DHDH: variants seen among roughly 807,000 people sequenced by gnomAD.
The protein encoded by DHDH is trans-1,2-dihydrobenzene-1,2-diol dehydrogenase.
DHDH carries 29 observed loss-of-function variants against 33.2 expected under a neutral mutation model. That is an observed-to-expected ratio of 0.87 (90% CI 0.65 to 1.19). The LOEUF (loss-of-function observed/expected upper bound fraction) is 1.19. Ranked by LOEUF, DHDH falls within the 50% of genes most tolerant of loss-of-function variation. DHDH has a pLI of 0.00. For synonymous variants in DHDH, 201 were observed against 187.9 expected (o/e 1.07, Z -0.57); for missense variants, 431 against 455.0 (o/e 0.95, Z 0.48).
At chr19:48,938,563 G>A (rs1191008775) in intron 3 of DHDH, among the ~76,000 whole-genome samples, 1 of 151,794 alleles carries the variant, frequency 6.6e-6, no homozygotes, top group African/African-American at 2.4e-5. Flanking sequence ...TGGCCTGCAT[G>A]CTCTATACCT....
chr19:48,937,333 C>T (rs1469227550), intron 3 of DHDH, among the ~76,000 whole-genome samples: 1 of 152,118 alleles, frequency 6.6e-6, no homozygotes, highest in Non-Finnish European at 1.5e-5. Flanking sequence ...CCGTCCTGCC[C>T]CGCCCTTCCC....
intron 4 of DHDH, 138 bp from the exon 5 acceptor site, chr19:48,942,302 C>T: frequency 9.9e-7 from 1 of 1,012,958 alleles, no homozygotes; most frequent in South Asian, 2.3e-5. Flanking sequence ...CCGCGACCAG[C>T]CAGCACTTCA....
chr19:48,938,223 A>C (rs1482565401), intron 3 of DHDH, among the ~76,000 whole-genome samples: 1 of 152,002 alleles, frequency 6.6e-6, no homozygotes, highest in East Asian at 1.9e-4. Flanking sequence ...CAGCCTCCCG[A>C]GTAGCTGAGA....
In DHDH at chr19:48,935,129, T is replaced by C. The variant is rs1479534515; in HGVS notation, c.202+18T>C. 2 of 1,526,908 alleles carry C rather than the reference T, an allele frequency of 1.3e-6. No individual in the cohort carries two copies. The highest frequency in any genetic ancestry group is 1.8e-6 in the Non-Finnish European group (2 of 1,137,986). The allele number at this position is 1,526,908 out of a possible 1,614,324, so 94.6% of individuals were successfully genotyped here. On this transcript the variant is annotated intron_variant, in intron 2 of 6. Transcript: ENST00000221403. ...GAGCGTGGGTGAGTGGCGAGGGCGA[T>C]GGGGGTGCTGGCCGCCGCCCCTGGA...
At chr19:48,933,562 G>A (rs143830300), upstream of DHDH, 734 of 654,264 alleles carry the variant, frequency 1.1e-3, 6 homozygotes, top group Middle Eastern at 0.011. Flanking sequence ...CAGCGGGGAA[G>A]CTAGAACTAA....
At chr19:48,933,596 C>T, upstream of DHDH, 1 of 837,728 alleles carries the variant, frequency 1.2e-6, no homozygotes, top group East Asian at 2.5e-5. Flanking sequence ...CGACTGGAGC[C>T]AACGAGAATC....
chr19:48,939,823 T>C (rs2037833011), intron 4 of DHDH, 122 bp downstream of exon 4: 4 of 1,399,496 alleles, frequency 2.9e-6, no homozygotes, highest in Non-Finnish European at 3.8e-6. Flanking sequence ...GGAACAACTT[T>C]CCATGAAGCC....
intron 4 of DHDH, among the ~76,000 whole-genome samples, chr19:48,942,077 G>A (rs894884407): frequency 4.7e-5 from 7 of 150,334 alleles, no homozygotes; most frequent in East Asian, 2.0e-4. Context: ...GTGCCATCTC[G>A]GCTCACTTCA....
upstream of DHDH, among the ~76,000 whole-genome samples, chr19:48,933,339 A>T (rs1469512571): frequency 6.6e-6 from 1 of 152,168 alleles, no homozygotes; most frequent in Non-Finnish European, 1.5e-5. Flanking sequence ...TTGAGAGCAA[A>T]AAAGTCAGGG....
intron 2 of DHDH, among the ~76,000 whole-genome samples, chr19:48,935,644 C>T (rs2037761308): frequency 6.6e-6 from 1 of 151,352 alleles, no homozygotes; most frequent in Non-Finnish European, 1.5e-5. Flanking sequence ...GGTGAAACCG[C>T]ATCTCCACTA....
Position 48,944,960 on chromosome 19 carries a change from T to G in DHDH, c.*27T>G. 1 of 1,599,128 alleles carries G rather than the reference T, an allele frequency of 6.3e-7. No individual in the cohort carries two copies. Among genetic ancestry groups the G allele is most frequent in the South Asian group, 1.1e-5 (1 of 90,758 alleles). On this transcript the variant is annotated 3_prime_UTR_variant, in exon 7 of 7. Transcript: ENST00000221403. ...GTATCCCCGAATAAATAAAGACATCTTACATCTTCGTGGTAGTGGTTTGGC... is the reference window on the plus strand; with the variant it reads ...GTATCCCCGAATAAATAAAGACATCGTACATCTTCGTGGTAGTGGTTTGGC...
At position 48,943,063 on chromosome 19, in the gene DHDH, A is replaced by AT. The variant is rs1371433080; in HGVS notation, c.744+499_744+500insT. Among the ~76,000 whole-genome samples, 582 of 145,630 alleles carry AT rather than the reference A, an allele frequency of 4.0e-3. 8 individuals are homozygous for AT. Among genetic ancestry groups the AT allele is most frequent in the African/African-American group, 0.014 (545 of 38,884 alleles). The stretch of plus-strand genomic sequence containing the variant: ...AGAGCAAAACTCCATCTCAAAAAAA[A>AT]AAATATATATATATATATGTATCCT... On this transcript the variant is annotated intron_variant, in intron 5 of 6. Transcript: ENST00000221403.
chr19:48,944,261 G>A, intron 5 of DHDH, 96 bp from the exon 6 acceptor site: 3 of 1,552,016 alleles, frequency 1.9e-6, no homozygotes, highest in South Asian at 1.2e-5. Flanking sequence ...CCAGGTTCAA[G>A]AGGGAGGCCC....
At chr19:48,936,458 AGGCCGAG>A (rs2037776782) in intron 3 of DHDH, among the ~76,000 whole-genome samples, 7 of 151,998 alleles carry the variant, frequency 4.6e-5, no homozygotes, top group Admixed American at 4.6e-4. Flanking sequence ...GCACTTTGGG[AGGCCGAG>A]GCGGGCGGAG....
At chr19:48,939,294 A>G (rs568183133) in intron 3 of DHDH, among the ~76,000 whole-genome samples, 155 bp from the exon 4 acceptor site, 1 of 151,958 alleles carries the variant, frequency 6.6e-6, no homozygotes, top group East Asian at 1.9e-4. Flanking sequence ...AAAAAGAAAA[A>G]GAAGAAAAGT....
intron 4 of DHDH, among the ~76,000 whole-genome samples, chr19:48,940,070 C>T (rs2037836463): frequency 6.6e-6 from 1 of 152,084 alleles, no homozygotes; most frequent in Non-Finnish European, 1.5e-5. Flanking sequence ...GACTACCCCA[C>T]TTGGCCAGGC....
At chr19:48,940,376 A>T (rs1427318270) in intron 4 of DHDH, among the ~76,000 whole-genome samples, 2 of 150,994 alleles carry the variant, frequency 1.3e-5, no homozygotes, top group Non-Finnish European at 2.9e-5. Flanking sequence ...AAGCTGCCCC[A>T]CTTTGCAGAA....
chr19:48,935,012 G>T lies in DHDH; in HGVS notation c.103G>T (p.Ala35Ser). 6.4e-7 allele frequency: 1 copy of T among 1,564,774 alleles called. No homozygotes were observed. The change falls in exon 2 of 7, where the codon GCG (alanine) becomes TCG (serine). Residue 35 changes from alanine to serine, a missense_variant. Transcript: ENST00000221403. ...PRSEHQVVAV[A>S]ARDLSRAKEF... ...TGTGCCCCTCCAGGTGGTGGCGGTG[G>T]CGGCCCGCGATCTGAGCCGTGCGAA...
rs546003254 is a variant in DHDH, at chr19:48,934,818, G to T, written c.91-182G>T. ...TATGAAGATAATTTCAATATTGGGG[G>T]ATTTAATAACGGCTTTCCCCCAGAT... On this transcript the variant is annotated intron_variant, in intron 1 of 6. Coordinates refer to ENST00000221403, the MANE Select transcript of DHDH (RefSeq NM_014475.4). 2.6e-5 allele frequency among the ~76,000 whole-genome samples: 4 copies of T among 152,270 alleles called. No homozygotes were observed. In the South Asian group the frequency reaches 8.3e-4, roughly 32 times the overall value.
Sources: allele counts gnomAD v4.1 joint callset (sites outside exome capture counted in the v4.1 genomes callset), GRCh38; gene constraint gnomAD v4.1.1; transcripts MANE v1.5; gene names NCBI Gene and HGNC (gene_info 2026-07-23, HGNC 2026-07-21).